The following ERICH6B variants were observed in gnomAD, a reference collection of about 807,000 sequenced individuals.
ERICH6B encodes the protein glutamate rich 6B.
ERICH6B carries 69 observed loss-of-function variants against 80.0 expected under a neutral mutation model. The observed-to-expected ratio is 0.86, with a 90% CI of 0.71 to 1.05. The LOEUF is 1.05. Ranked by LOEUF, ERICH6B falls within the 50% of genes least tolerant of loss-of-function variation. The pLI, the probability that ERICH6B is intolerant of heterozygous loss-of-function variation, is 0.00. For synonymous variants in ERICH6B, 283 were observed against 291.9 expected (o/e 0.97, Z 0.31); for missense variants, 754 against 796.1 (o/e 0.95, Z 0.64).
At chr13:45,600,693 A>T (rs947866751) in intron 2 of ERICH6B, among the ~76,000 whole-genome samples, 1 of 152,112 alleles carries the variant, frequency 6.6e-6, no homozygotes, top group African/African-American at 2.4e-5. Context: ...TCATTCTTTT[A>T]TGACTGCACA....
At chr13:45,606,538 TATA>T (rs1246945283) in intron 2 of ERICH6B, among the ~76,000 whole-genome samples, 94 of 16,150 alleles carry the variant, frequency 5.8e-3, no homozygotes, top group Admixed American at 0.012. Flanking sequence ...TATATATATA[TATA>T]TATATATTTT....
chr13:45,595,755 A>G (rs138354004), intron 3 of ERICH6B, among the ~76,000 whole-genome samples: 86 of 144,506 alleles, frequency 6.0e-4, no homozygotes, highest in African/African-American at 2.1e-3. Context: ...TGATCCTCCT[A>G]TCTCAGCCTC....
chr13:45,546,106 T>A (rs1404340402), intron 13 of ERICH6B, among the ~76,000 whole-genome samples: 1 of 152,166 alleles, frequency 6.6e-6, no homozygotes, highest in Non-Finnish European at 1.5e-5. Flanking sequence ...TTGCCCAGCC[T>A]TGTGCAGGGC....
chr13:45,555,395 C>T (rs1593776584), intron 11 of ERICH6B: 1 of 152,350 alleles, frequency 6.6e-6, no homozygotes, highest in East Asian at 1.9e-4. Context: ...TACTGAACTT[C>T]TCATTCCTTG....
chr13:45,609,633 G>A (rs560803817), intron 1 of ERICH6B, among the ~76,000 whole-genome samples: 1 of 152,268 alleles, frequency 6.6e-6, no homozygotes, highest in South Asian at 2.1e-4. Context: ...ACAAATAATT[G>A]ACAAAATTAG....
intron 2 of ERICH6B, among the ~76,000 whole-genome samples, chr13:45,604,214 G>C (rs1949843941): frequency 6.6e-6 from 1 of 152,244 alleles, no homozygotes; most frequent in Non-Finnish European, 1.5e-5. Flanking sequence ...ACTCCAAAAG[G>C]GGAAGGGGGC....
At chr13:45,578,810 TG>T (rs1225293127) in intron 7 of ERICH6B, among the ~76,000 whole-genome samples, 1 of 152,188 alleles carries the variant, frequency 6.6e-6, no homozygotes. Flanking sequence ...CCCAGCAATT[TG>T]GGAAGCTGAG....
At chr13:45,614,039 T>G (rs772108273) in intron 1 of ERICH6B, among the ~76,000 whole-genome samples, 85 of 152,314 alleles carry the variant, frequency 5.6e-4, no homozygotes, top group Admixed American at 9.1e-4. Context: ...TCACCCTGTC[T>G]GCTGGTGCAA....
At chr13:45,587,329 G>A in intron 4 of ERICH6B, 97 bp from the exon 5 acceptor site, 2 of 1,042,966 alleles carry the variant, frequency 1.9e-6, no homozygotes, top group Admixed American at 2.5e-5. Flanking sequence ...TGCTCTTGAT[G>A]TCCAGACCCA....
At chr13:45,595,258 C>A (rs1209382884) in intron 3 of ERICH6B, among the ~76,000 whole-genome samples, 1 of 151,956 alleles carries the variant, frequency 6.6e-6, no homozygotes, top group Non-Finnish European at 1.5e-5. Flanking sequence ...AAATTGGAAG[C>A]AATAAATGGT....
intron 4 of ERICH6B, among the ~76,000 whole-genome samples, chr13:45,588,841 G>A (rs1411575256): frequency 6.6e-6 from 1 of 152,182 alleles, no homozygotes; most frequent in Non-Finnish European, 1.5e-5. Context: ...CACTAGCCCT[G>A]TGTTATGTTG....
chr13:45,555,656 A>G lies in ERICH6B; in HGVS notation c.1408-5340T>C, dbSNP rs80054667. 8.7e-3 allele frequency among the ~76,000 whole-genome samples: 1,323 copies of G among 152,240 alleles called. 13 individuals are homozygous for G. The highest frequency in any genetic ancestry group is 0.031 in the African/African-American group (1,277 of 41,528). ...ACAACTGGACATAGACAACTGCAAGATGGTAGAGACCTATGATGAAAAGAC... is the reference window on the plus strand; with the variant it reads ...ACAACTGGACATAGACAACTGCAAGGTGGTAGAGACCTATGATGAAAAGAC... On this transcript the variant is annotated intron_variant, in intron 11 of 14. Transcript: ENST00000298738.
chr13:45,603,541 CCTG>C (rs1949839089), intron 2 of ERICH6B, among the ~76,000 whole-genome samples: 1 of 152,174 alleles, frequency 6.6e-6, no homozygotes, highest in African/African-American at 2.4e-5. Context: ...TGGTCCTAGA[CCTG>C]CTGGTCTTTC....
chr13:45,615,374 G>T (rs768528292), intron 1 of ERICH6B, among the ~76,000 whole-genome samples: 2 of 152,328 alleles, frequency 1.3e-5, no homozygotes, highest in East Asian at 1.9e-4. Context: ...AGAGCTAGGG[G>T]CTCTCTGGAG....
intron 1 of ERICH6B, among the ~76,000 whole-genome samples, chr13:45,611,062 T>A (rs1471507036): frequency 6.6e-6 from 1 of 152,134 alleles, no homozygotes; most frequent in African/African-American, 2.4e-5. Flanking sequence ...TTTCATCATA[T>A]CATTTGTTAC....
intron 1 of ERICH6B, among the ~76,000 whole-genome samples, chr13:45,608,447 A>G (rs1186228898): frequency 1.3e-5 from 2 of 152,188 alleles, no homozygotes; most frequent in Non-Finnish European, 2.9e-5. Flanking sequence ...TCTTGTCACT[A>G]CATGGTATTT....
At chr13:45,546,556 ATTCC>A (rs1465683590) in intron 13 of ERICH6B, among the ~76,000 whole-genome samples, 8 of 152,144 alleles carry the variant, frequency 5.3e-5, no homozygotes, top group South Asian at 2.1e-4. Context: ...CTCCCTACAC[ATTCC>A]TTCCAGGGCA....
chr13:45,563,744 A>G lies in ERICH6B; in HGVS notation c.1232T>C (p.Ile411Thr). 1 of 1,552,288 alleles carries G rather than the reference A, an allele frequency of 6.4e-7. No individual in the cohort carries two copies. The highest frequency in any genetic ancestry group is 1.2e-5 in the South Asian group (1 of 84,062). The change falls in exon 10 of 15, where the codon ATT (isoleucine) becomes ACT (threonine). Residue 411 changes from isoleucine (I) to threonine (T), a missense_variant. Transcript: ENST00000298738. The stretch of plus-strand genomic sequence containing the variant: ...GTGCCTACCTTCACGTCTCCTCTTA[A>G]TCCGTAAGATTGTTTCCTTGAACTT... Reference protein sequence around the residue: ...YEKFKETILRIKRRREAQKLT... With the variant: ...YEKFKETILRTKRRREAQKLT...
At chr13:45,610,843 G>A (rs1457583490) in intron 1 of ERICH6B, among the ~76,000 whole-genome samples, 1 of 124,954 alleles carries the variant, frequency 8.0e-6, no homozygotes, top group East Asian at 2.2e-4. Flanking sequence ...CTGTGTGTGT[G>A]TGTGTGTGTG....
Sources: gnomAD v4.1 joint callset for allele counts (sites outside exome capture counted in the v4.1 genomes callset) on GRCh38, gnomAD v4.1.1 for gene constraint, MANE v1.5 for transcripts, NCBI Gene and HGNC (gene_info 2026-07-23, HGNC 2026-07-21) for gene names.